The following CARF variants were observed in gnomAD, a reference collection of about 807,000 sequenced individuals.
The protein encoded by CARF is calcium-responsive transcription factor.
In CARF, 57 loss-of-function variants were observed where a neutral mutation model predicts 82.0. The ratio of observed to expected loss-of-function variants is 0.70; its 90% CI spans 0.56 to 0.87. The LOEUF (loss-of-function observed/expected upper bound fraction) is 0.87. Among genes scored for constraint, CARF ranks in the 40% least tolerant of loss-of-function variants. CARF has a pLI of 0.00. For missense variants in CARF, 771 were observed against 855.8 expected (o/e 0.90, Z 1.24); for synonymous variants, 268 against 290.1 (o/e 0.92, Z 0.77).
intron 10 of CARF, among the ~76,000 whole-genome samples, chr2:202,969,675 C>A (rs550568615): frequency 2.0e-5 from 3 of 151,774 alleles, no homozygotes; most frequent in Non-Finnish European, 4.4e-5. Context: ...GAAGGCAAAT[C>A]TACGGGAAAA....
At chr2:202,944,807 A>C (rs62183740) in intron 5 of CARF, among the ~76,000 whole-genome samples, 1 of 151,298 alleles carries the variant, frequency 6.6e-6, no homozygotes, top group Non-Finnish European at 1.5e-5. Flanking sequence ...TTTTTTTCCA[A>C]AGGAAGATCA....
rs1011499227 is a variant in CARF, at chr2:202,932,943, G to A, written c.-44+8528G>A. On this transcript the variant is annotated intron_variant, in intron 3 of 16. Transcript: ENST00000438828. Reference sequence around the variant, plus strand: ...GCTGCTCAACTTGGCCACAGCACCAGTTCTCCAGGGGCCCATGTGCTGCTT... The same window carrying A: ...GCTGCTCAACTTGGCCACAGCACCAATTCTCCAGGGGCCCATGTGCTGCTT... 3.3e-5 allele frequency among the ~76,000 whole-genome samples: 5 copies of A among 152,276 alleles called. No individual in the cohort carries two copies. In the South Asian group the frequency reaches 1.0e-3, roughly 32 times the overall value.
chr2:202,919,390 G>A (rs1196603445), intron 2 of CARF, among the ~76,000 whole-genome samples: 1 of 152,154 alleles, frequency 6.6e-6, no homozygotes, highest in Non-Finnish European at 1.5e-5. Context: ...AAGGTAACTT[G>A]CAGTAGGATC....
Position 202,984,257 on chromosome 2 carries a change from G to A in CARF, c.*633G>A, listed in dbSNP as rs927018905. On this transcript the variant is annotated 3_prime_UTR_variant, in exon 17 of 17. Transcript: ENST00000438828. ...TTTTTGTACTTTTAACTACAAACCA[G>A]TAGTATACTAATGGTTATCTAATAG... The A allele has an allele frequency of 1.3e-5, 2 of 152,166 alleles. No individual in the cohort carries two copies. The highest frequency in any genetic ancestry group is 2.9e-5 in the Non-Finnish European group (2 of 68,040). The allele number at this position is 152,166 out of a possible 1,614,324, so 9.4% of individuals were successfully genotyped here. A position where few individuals can be genotyped will look rare whatever the true frequency, so the allele number is the denominator to read the frequency against.
At chr2:202,942,319 A>G (rs1298613697) in intron 4 of CARF, among the ~76,000 whole-genome samples, 3 of 151,892 alleles carry the variant, frequency 2.0e-5, no homozygotes, top group Non-Finnish European at 4.4e-5. Context: ...GCTTGCAGTG[A>G]GCTGAGATCA....
intron 13 of CARF, among the ~76,000 whole-genome samples, chr2:202,976,512 T>G (rs988651139): frequency 1.3e-5 from 2 of 152,108 alleles, no homozygotes; most frequent in Non-Finnish European, 2.9e-5. Flanking sequence ...TCCCTGAATA[T>G]TAGTCATCTC....
At chr2:202,979,467 CTT>C (rs1418672461) in intron 14 of CARF, among the ~76,000 whole-genome samples, 1 of 151,932 alleles carries the variant, frequency 6.6e-6, no homozygotes, top group Admixed American at 6.6e-5. Context: ...AGAAAGGACT[CTT>C]AAGCTGATTT....
chr2:202,929,079 A>G (rs1256187023), intron 3 of CARF, among the ~76,000 whole-genome samples: 1 of 152,184 alleles, frequency 6.6e-6, no homozygotes, highest in Non-Finnish European at 1.5e-5. Context: ...GTCCATTTCT[A>G]AATGAAATTA....
At chr2:202,951,016 A>T (rs908529409) in intron 5 of CARF, among the ~76,000 whole-genome samples, 14 of 151,958 alleles carry the variant, frequency 9.2e-5, no homozygotes, top group Admixed American at 2.6e-4. Flanking sequence ...TTTTTAAAAA[A>T]TTTTTTTCAA....
chr2:202,941,923 AT>A lies in CARF; in HGVS notation c.23del (p.Leu8Ter). ...TCAGCATGGAACAATCTAATGATTC[AT>A]TAAGAGTCAACCATAATGACGGTGA... MEQSNDS[L>X]RVNHNDGEES... is the part of the protein sequence containing the mutation. On this transcript the variant is annotated frameshift_variant, in exon 4 of 17. Coordinates refer to ENST00000438828, the MANE Select transcript of CARF (RefSeq NM_024744.17). LOFTEE classifies it high-confidence loss of function. 6.2e-7 allele frequency: 1 copy of A among 1,613,180 alleles called. No individual in the cohort carries two copies. Among genetic ancestry groups the A allele is most frequent in the Non-Finnish European group, 8.5e-7 (1 of 1,179,308 alleles).
intron 8 of CARF, among the ~76,000 whole-genome samples, chr2:202,960,383 A>G (rs114079739): frequency 0.089 from 13,570 of 151,968 alleles, 741 homozygotes; most frequent in Non-Finnish European, 0.12. Flanking sequence ...CCAGGTAGCT[A>G]GGACTACAGG....
At chr2:202,926,778 A>G (rs1236433185) in intron 3 of CARF, among the ~76,000 whole-genome samples, 1 of 152,144 alleles carries the variant, frequency 6.6e-6, no homozygotes, top group Non-Finnish European at 1.5e-5. Context: ...TAGGTTTTGT[A>G]GTTTACGATA....
chr2:202,963,558 G>A (rs2059413483), intron 9 of CARF, among the ~76,000 whole-genome samples: 1 of 152,148 alleles, frequency 6.6e-6, no homozygotes, highest in African/African-American at 2.4e-5. Flanking sequence ...ATGGTTTCGG[G>A]ATGATTCAAG....
In CARF at chr2:202,986,877, T is replaced by TATATATATACATATATATATATATAC. The variant is rs1553584501; in HGVS notation, c.*3262_*3263insCATATATATATATATACATATATATA. ...TAAAAAATGTCTGTGCGTATATATA[T>TATATATATACATATATATATATATAC]ATATATATATATATATATATATATA... On this transcript the variant is annotated 3_prime_UTR_variant, in exon 17 of 17. Coordinates refer to ENST00000438828, the MANE Select transcript of CARF (RefSeq NM_024744.17). 1 of 112,306 alleles carries TATATATATACATATATATATATATAC rather than the reference T, an allele frequency of 8.9e-6. No homozygotes were observed. The highest frequency in any genetic ancestry group is 3.1e-5 in the African/African-American group (1 of 32,422). The allele number at this position is 112,306 out of a possible 1,614,324, so 7.0% of individuals were successfully genotyped here. A position where few individuals can be genotyped will look rare whatever the true frequency, so the allele number is the denominator to read the frequency against.
intron 1 of CARF, among the ~76,000 whole-genome samples, chr2:202,914,789 AAAC>A (rs1559172923): frequency 6.8e-6 from 1 of 147,618 alleles, no homozygotes; most frequent in Non-Finnish European, 1.5e-5. Flanking sequence ...CAAAAAAAAA[AAAC>A]AAACAAAAAA....
intron 3 of CARF, among the ~76,000 whole-genome samples, chr2:202,927,204 A>G (rs373063363): frequency 2.0e-4 from 30 of 151,922 alleles, no homozygotes; most frequent in African/African-American, 7.3e-4. Flanking sequence ...TGACATCTGC[A>G]TTATGTCTTT....
At chr2:202,927,169 A>G (rs952617342) in intron 3 of CARF, among the ~76,000 whole-genome samples, 6 of 151,678 alleles carry the variant, frequency 4.0e-5, no homozygotes, top group Admixed American at 1.3e-4. Context: ...CCCTTTCTCT[A>G]CAGAAAACCA....
chr2:202,917,179 C>G (rs1574449693), intron 1 of CARF, among the ~76,000 whole-genome samples: 1 of 127,838 alleles, frequency 7.8e-6, no homozygotes, highest in Non-Finnish European at 1.6e-5. Context: ...CCACTGCACT[C>G]CAGCCTGGGC....
chr2:202,962,388 A>G (rs1415290068), intron 9 of CARF: 1 of 152,088 alleles, frequency 6.6e-6, no homozygotes, highest in Non-Finnish European at 1.5e-5. Context: ...CTATTTGGGA[A>G]GCTGAGGTGG....
Sources: gnomAD v4.1 joint callset for allele counts (sites outside exome capture counted in the v4.1 genomes callset) on GRCh38, gnomAD v4.1.1 for gene constraint, MANE v1.5 for transcripts, NCBI Gene and HGNC (gene_info 2026-07-23, HGNC 2026-07-21) for gene names.